Variants in IGFBP7 observed in about 807,000 individuals in gnomAD.
IGFBP7 encodes the protein insulin-like growth factor-binding protein 7.
IGFBP7 carries 31 observed loss-of-function variants against 29.4 expected under a neutral mutation model. The observed-to-expected ratio is 1.05, with a 90% CI of 0.79 to 1.42. The LOEUF is 1.42. Among genes scored for constraint, IGFBP7 ranks in the 40% most tolerant of loss-of-function variants. The probability of loss-of-function intolerance (pLI) is 0.00; values close to 1 mark genes in which losing one functional copy is unlikely to be tolerated. For synonymous variants in IGFBP7, 172 were observed against 174.9 expected (o/e 0.98, Z 0.13); for missense variants, 393 against 395.5 (o/e 0.99, Z 0.05).
intron 1 of IGFBP7, 43 bp from the exon 2 acceptor site, chr4:57,040,976 C>A (rs1335384641): frequency 8.1e-7 from 1 of 1,232,234 alleles, no homozygotes; most frequent in African/African-American, 1.5e-5. Context: ...TTTAAACAGT[C>A]CTTCACATGA....
chr4:57,090,292 T>C (rs1048587834), intron 1 of IGFBP7, among the ~76,000 whole-genome samples: 9 of 152,364 alleles, frequency 5.9e-5, no homozygotes, highest in Non-Finnish European at 1.0e-4. Context: ...CTTGCTACCA[T>C]GAGAAACGTA....
At chr4:57,063,637 G>A (rs1304148222) in intron 1 of IGFBP7, among the ~76,000 whole-genome samples, 2 of 152,174 alleles carry the variant, frequency 1.3e-5, no homozygotes, top group African/African-American at 4.8e-5. Context: ...TTATTCCACA[G>A]TTTGTAGAAG....
intron 1 of IGFBP7, among the ~76,000 whole-genome samples, chr4:57,077,309 T>C (rs1725252804): frequency 1.3e-5 from 2 of 152,186 alleles, no homozygotes; most frequent in Non-Finnish European, 2.9e-5. Flanking sequence ...AGTCTCACTC[T>C]GTCTGTCGCC....
At chr4:57,060,060 G>A (rs1196640016) in intron 1 of IGFBP7, among the ~76,000 whole-genome samples, 3 of 152,192 alleles carry the variant, frequency 2.0e-5, no homozygotes, top group African/African-American at 7.2e-5. Context: ...AGATGTTAGG[G>A]TTGGACTCCT....
At chr4:57,038,606 T>A (rs918559803) in intron 2 of IGFBP7, among the ~76,000 whole-genome samples, 1 of 152,198 alleles carries the variant, frequency 6.6e-6, no homozygotes, top group African/African-American at 2.4e-5. Flanking sequence ...AGGGAGACTA[T>A]CATCCACCTT....
intron 1 of IGFBP7, among the ~76,000 whole-genome samples, chr4:57,048,057 C>T (rs1212813607): frequency 1.3e-5 from 2 of 149,136 alleles, no homozygotes; most frequent in African/African-American, 2.5e-5. Flanking sequence ...CCTCCGCCCC[C>T]CTTTTTTTTT....
At chr4:57,039,069 A>AAT (rs2109741370) in intron 2 of IGFBP7, among the ~76,000 whole-genome samples, 1 of 75,194 alleles carries the variant, frequency 1.3e-5, no homozygotes, top group South Asian at 4.1e-4. Context: ...ATGTCTCAAA[A>AAT]AAAAAAAAAA....
chr4:57,041,997 G>A (rs554670840), intron 1 of IGFBP7, among the ~76,000 whole-genome samples: 13 of 152,290 alleles, frequency 8.5e-5, no homozygotes, highest in East Asian at 5.8e-4. Context: ...CTTTCCCAGC[G>A]TTCTCAGTGT....
intron 1 of IGFBP7, among the ~76,000 whole-genome samples, chr4:57,091,953 G>C (rs1236634165): frequency 6.6e-6 from 1 of 152,204 alleles, no homozygotes; most frequent in Non-Finnish European, 1.5e-5. Flanking sequence ...AGAAACTGAA[G>C]TGAAACAAGC....
chr4:57,069,454 C>T (rs1040608821), intron 1 of IGFBP7, among the ~76,000 whole-genome samples: 3 of 152,134 alleles, frequency 2.0e-5, no homozygotes, highest in African/African-American at 7.2e-5. Context: ...AAAAAATTAG[C>T]CAGGTCTGGT....
At chr4:57,046,316 A>C (rs1327756862) in intron 1 of IGFBP7, among the ~76,000 whole-genome samples, 1 of 145,588 alleles carries the variant, frequency 6.9e-6, no homozygotes, top group Non-Finnish European at 1.5e-5. Context: ...CTGCAATTCA[A>C]TCCCTGACAG....
At chr4:57,055,628 G>A (rs1302526873) in intron 1 of IGFBP7, among the ~76,000 whole-genome samples, 4 of 119,790 alleles carry the variant, frequency 3.3e-5, no homozygotes, top group Non-Finnish European at 7.1e-5. Context: ...ATCACGCGGG[G>A]GTGGACAGGG....
intron 1 of IGFBP7, among the ~76,000 whole-genome samples, chr4:57,103,642 CTTTTTTTTTTTTCTTTTCTTTT>C: frequency 1.2e-5 from 1 of 84,248 alleles, no homozygotes; most frequent in East Asian, 3.2e-4. Flanking sequence ...TAGAACTTTT[CTTTTTTTTTTTTCTTTTCTTTT>C]TTTTTTTTTT....
At chr4:57,072,993 C>A in intron 1 of IGFBP7, 1 of 911,712 alleles carries the variant, frequency 1.1e-6, no homozygotes, top group Non-Finnish European at 1.8e-6. Context: ...ATCCTGCTCT[C>A]CATCCACAGC....
chr4:57,041,054 C>G (rs1724215747), intron 1 of IGFBP7, 121 bp from the exon 2 acceptor site: 10 of 714,568 alleles, frequency 1.4e-5, no homozygotes, highest in Admixed American at 8.2e-5. Flanking sequence ...TTATCTGAAG[C>G]AAATTTCAAA....
intron 1 of IGFBP7, among the ~76,000 whole-genome samples, chr4:57,084,052 A>C (rs999298500): frequency 1.3e-5 from 2 of 152,240 alleles, no homozygotes; most frequent in African/African-American, 4.8e-5. Context: ...CTATACAGTA[A>C]AATACAAATA....
At chr4:57,032,250 C>A in intron 4 of IGFBP7, 176 bp downstream of exon 4, 1 of 1,409,852 alleles carries the variant, frequency 7.1e-7, no homozygotes, top group South Asian at 1.7e-5. Context: ...GTCACCCATC[C>A]AGATAATCTT....
chr4:57,084,221 A>G (rs370860350), intron 1 of IGFBP7, among the ~76,000 whole-genome samples: 1 of 152,222 alleles, frequency 6.6e-6, no homozygotes. Context: ...ATTATCAGGG[A>G]GTATCACAAA....
chr4:57,042,361 T>C (rs1724249165), intron 1 of IGFBP7, among the ~76,000 whole-genome samples: 1 of 103,556 alleles, frequency 9.7e-6, no homozygotes, highest in Admixed American at 8.3e-5. Flanking sequence ...AAAAATTTTA[T>C]TTTTTTGAGA....
Sources: allele counts gnomAD v4.1 joint callset (sites outside exome capture counted in the v4.1 genomes callset), GRCh38; gene constraint gnomAD v4.1.1; transcripts MANE v1.5; gene names NCBI Gene and HGNC (gene_info 2026-07-23, HGNC 2026-07-21).